The following RARB variants were observed in gnomAD, a reference collection of about 807,000 sequenced individuals.
The protein encoded by RARB is HBV-activated protein.
Under a neutral mutation model 51.9 loss-of-function variants are expected in RARB, and 17 were observed. That is an observed-to-expected ratio of 0.33 (90% CI 0.22 to 0.49). RARB has a LOEUF of 0.49. Among genes scored for constraint, RARB ranks in the 20% least tolerant of loss-of-function variants. The pLI is 0.99. For missense variants in RARB, 369 were observed against 550.8 expected (o/e 0.67, Z 3.30); for synonymous variants, 215 against 195.4 (o/e 1.10, Z -0.84).
intron 1 of RARB, among the ~76,000 whole-genome samples, chr3:24,854,634 G>T (rs535774170): frequency 6.6e-6 from 1 of 152,228 alleles, no homozygotes; most frequent in South Asian, 2.1e-4. Context: ...TCCTCTTCTT[G>T]ATGCATAGTA....
chr3:25,238,058 G>A (rs1169974335), intron 5 of RARB, among the ~76,000 whole-genome samples: 1 of 151,932 alleles, frequency 6.6e-6, no homozygotes, highest in Non-Finnish European at 1.5e-5. Flanking sequence ...ACAACACATT[G>A]CTGTTACCTT....
chr3:24,890,020 T>C (rs1420544574), intron 2 of RARB, among the ~76,000 whole-genome samples: 1 of 152,128 alleles, frequency 6.6e-6, no homozygotes, highest in Non-Finnish European at 1.5e-5. Context: ...ATCAGCAGTA[T>C]ATGCAGTAAT....
chr3:25,022,881 T>C (rs535564994), intron 2 of RARB, among the ~76,000 whole-genome samples: 1 of 152,236 alleles, frequency 6.6e-6, no homozygotes, highest in South Asian at 2.1e-4. Context: ...AGGACAGATA[T>C]GTCAGGAGTG....
At chr3:25,408,016 T>A (rs1707458242) in intron 5 of RARB, among the ~76,000 whole-genome samples, 1 of 152,148 alleles carries the variant, frequency 6.6e-6, no homozygotes, top group South Asian at 2.1e-4. Context: ...CTCTTTACTG[T>A]CTCATTTCCC....
intron 4 of RARB, among the ~76,000 whole-genome samples, chr3:25,157,564 A>AT (rs1553638389): frequency 1.1e-5 from 1 of 88,930 alleles, no homozygotes; most frequent in East Asian, 4.4e-4. Context: ...CACCCAGCTA[A>AT]TTTTTTATTT....
In RARB at chr3:25,259,518, C is replaced by G. The variant is rs896871439; in HGVS notation, c.178+84943C>G. ...TGTCCAAGGTAACCTAGGAACCTACCTTTAGCCTAGGTCCCTGAATGACTG... is the reference window on the plus strand; with the variant it reads ...TGTCCAAGGTAACCTAGGAACCTACGTTTAGCCTAGGTCCCTGAATGACTG... On this transcript the variant is annotated intron_variant, in intron 5 of 11. Coordinates refer to the RARB transcript ENST00000383772. 4.6e-5 allele frequency among the ~76,000 whole-genome samples: 7 copies of G among 152,100 alleles called. No individual in the cohort carries two copies. The East Asian group carries it at 1.4e-3, about 29-fold the overall frequency.
intron 3 of RARB, among the ~76,000 whole-genome samples, chr3:25,100,571 A>G (rs767885382): frequency 1.3e-5 from 2 of 152,174 alleles, no homozygotes; most frequent in Non-Finnish European, 2.9e-5. Context: ...CTAAGCAAAT[A>G]GGTTCATTTA....
intron 5 of RARB, among the ~76,000 whole-genome samples, chr3:25,387,538 G>A (rs537594642): frequency 6.6e-6 from 1 of 152,240 alleles, no homozygotes; most frequent in South Asian, 2.1e-4. Flanking sequence ...CTTATTTGTA[G>A]TATCTTCCAC....
At position 25,049,463 on chromosome 3, in the gene RARB, G is replaced by C. The variant is rs562433808; in HGVS notation, c.-379-10662G>C. On this transcript the variant is annotated intron_variant, in intron 2 of 11. Transcript: ENST00000383772. ...TATCCTTGCTTATTTACATCACTTT[G>C]ACTATTCTTTTTCCAGTTGAGGTCC... Among the ~76,000 whole-genome samples the C allele has an allele frequency of 1.2e-4, 18 of 152,248 alleles. No homozygotes were observed. In the East Asian group the frequency reaches 1.4e-3, roughly 11 times the overall value.
At chr3:25,107,941 T>TG (rs1166696329) in intron 3 of RARB, among the ~76,000 whole-genome samples, 14 of 152,190 alleles carry the variant, frequency 9.2e-5, no homozygotes, top group Admixed American at 3.9e-4. Context: ...AGCTTCTCTG[T>TG]GGCATATCTG....
intron 3 of RARB, among the ~76,000 whole-genome samples, chr3:25,522,500 A>T (rs1698446232): frequency 6.6e-6 from 1 of 152,154 alleles, no homozygotes; most frequent in East Asian, 1.9e-4. Flanking sequence ...TTATCCCCTG[A>T]AAATAGAAGT....
chr3:25,255,605 G>A (rs1200919447), intron 5 of RARB, among the ~76,000 whole-genome samples: 4 of 152,058 alleles, frequency 2.6e-5, no homozygotes, highest in Non-Finnish European at 5.9e-5. Flanking sequence ...AGTACTTGCC[G>A]TGTAGATGTC....
chr3:24,963,203 C>A (rs1170332974), intron 2 of RARB, among the ~76,000 whole-genome samples: 1 of 151,902 alleles, frequency 6.6e-6, no homozygotes, highest in Non-Finnish European at 1.5e-5. Context: ...ATCCACAGGG[C>A]ATGGTGAATC....
At chr3:25,055,287 C>T (rs142364036) in intron 2 of RARB, among the ~76,000 whole-genome samples, 21 of 152,182 alleles carry the variant, frequency 1.4e-4, no homozygotes, top group African/African-American at 3.1e-4. Flanking sequence ...TCATTGACAG[C>T]GGCAGATATT....
intron 3 of RARB, among the ~76,000 whole-genome samples, chr3:25,553,507 A>G (rs2125670651): frequency 6.6e-6 from 1 of 152,340 alleles, no homozygotes; most frequent in South Asian, 2.1e-4. Context: ...GGATGCTTAT[A>G]AAGGAAGAAT....
At chr3:25,508,295 A>G (rs1055522775) in intron 3 of RARB, among the ~76,000 whole-genome samples, 6 of 152,202 alleles carry the variant, frequency 3.9e-5, no homozygotes, top group Non-Finnish European at 7.3e-5. Context: ...GAACGTCCCC[A>G]TGGGTCGATT....
intron 2 of RARB, among the ~76,000 whole-genome samples, chr3:24,866,681 T>A (rs963599163): frequency 2.6e-5 from 4 of 152,210 alleles, no homozygotes; most frequent in African/African-American, 9.6e-5. Context: ...AATGCAAGTA[T>A]TCTTTCCTTC....
At chr3:25,333,531 A>G (rs547332510) in intron 5 of RARB, among the ~76,000 whole-genome samples, 2,265 of 152,256 alleles carry the variant, frequency 0.015, 63 homozygotes, top group African/African-American at 0.052. Flanking sequence ...TTAATTCAAG[A>G]TGGATTAAAG....
intron 2 of RARB, among the ~76,000 whole-genome samples, chr3:24,998,542 C>G (rs182157556): frequency 6.6e-6 from 1 of 151,958 alleles, no homozygotes; most frequent in Non-Finnish European, 1.5e-5. Flanking sequence ...TTCAGAACAG[C>G]TGTTTGAAGG....
Sources: gnomAD v4.1 joint callset for allele counts (sites outside exome capture counted in the v4.1 genomes callset) on GRCh38, gnomAD v4.1.1 for gene constraint, MANE v1.5 for transcripts, NCBI Gene and HGNC (gene_info 2026-07-23, HGNC 2026-07-21) for gene names.